UGP2: variants seen among roughly 807,000 people sequenced by gnomAD.
UGP2 encodes UTP--glucose-1-phosphate uridylyltransferase.
Under a neutral mutation model 49.0 loss-of-function variants are expected in UGP2, and 40 were observed. The observed-to-expected ratio is 0.82, with a 90% CI of 0.63 to 1.06. The LOEUF (loss-of-function observed/expected upper bound fraction) is 1.06, where lower values mean the gene tolerates loss of function less well. UGP2 is among the 50% of genes least tolerant of loss of function. The pLI, the probability that UGP2 is intolerant of heterozygous loss-of-function variation, is 0.00. For synonymous variants in UGP2, 225 were observed against 213.0 expected, an observed-to-expected ratio of 1.06 and a Z score of -0.49; for missense variants, 460 against 603.5, an observed-to-expected ratio of 0.76 and a Z score of 2.49.
At chr2:63,861,530 T>A (rs922268147) in intron 3 of UGP2, among the ~76,000 whole-genome samples, 27 of 151,744 alleles carry the variant, frequency 1.8e-4, no homozygotes, top group Non-Finnish European at 3.7e-4. Context: ...ACAAATTTTT[T>A]TTTTTTAGTT....
At chr2:63,855,275 C>T in intron 1 of UGP2, 2 of 331,932 alleles carry the variant, frequency 6.0e-6, no homozygotes, top group South Asian at 2.4e-5. Context: ...TGTGATTCTG[C>T]TAAATTAACA....
intron 1 of UGP2, among the ~76,000 whole-genome samples, chr2:63,848,766 G>A (rs375508828): frequency 3.9e-5 from 6 of 152,290 alleles, no homozygotes; most frequent in African/African-American, 1.4e-4. Context: ...ATTAAACTTT[G>A]TGTGTTTTTT....
At chr2:63,845,765 A>C (rs1034705550) in intron 1 of UGP2, among the ~76,000 whole-genome samples, 10 of 152,246 alleles carry the variant, frequency 6.6e-5, no homozygotes, top group African/African-American at 2.4e-4. Context: ...TGTTGTGTAC[A>C]CCTGTTTTGA....
In UGP2 at chr2:63,887,584, G is replaced by A. The variant is rs767097426; in HGVS notation, c.1254G>A (p.Met418Ile). The A allele has an allele frequency of 6.2e-7, 1 of 1,614,170 alleles. No individual in the cohort carries two copies. Among genetic ancestry groups the A allele is most frequent in the Non-Finnish European group, 8.5e-7 (1 of 1,180,024 alleles). The change falls in exon 8 of 10, where the codon ATG becomes ATA. Residue 418 changes from methionine (M) to isoleucine (I), a missense_variant. Physicochemically the swap from Met to Ile is conservative, Grantham distance 10 (BLOSUM62 1). This residue lies in a region of UGP2 where 317 missense variants were observed against 473.0 expected (regional missense o/e 0.67). Coordinates refer to ENST00000337130, the MANE Select transcript of UGP2 (RefSeq NM_006759.4). ...LYSLNAGSLT[M>I]SEKREFPTVP... ...GTCTTAATGCAGGATCTCTGACAAT[G>A]AGTGAAAAGCGGGAATTTCCTACAG...
Position 63,842,122 on chromosome 2 carries a change from CCCTGTAGCGTGACT to C in UGP2, c.-60_-47del, listed in dbSNP as rs1671587191. 6.4e-7 allele frequency: 1 copy of C among 1,551,514 alleles called. No individual in the cohort carries two copies. Among genetic ancestry groups the C allele is most frequent in the East Asian group, 2.2e-5 (1 of 44,714 alleles). ...AAAGCAGGAGAGGAAGAGAGACCTG[CCCTGTAGCGTGACT>C]CCTCTAGAAAAAAAAAAAAAAAGCC... On this transcript the variant is annotated 5_prime_UTR_variant, in exon 1 of 10. Transcript: ENST00000337130.
At chr2:63,868,943 C>T (rs889900550) in intron 3 of UGP2, among the ~76,000 whole-genome samples, 3 of 150,092 alleles carry the variant, frequency 2.0e-5, no homozygotes, top group East Asian at 1.9e-4. Context: ...CTAGCCTGGG[C>T]GACAAGAGTG....
At chr2:63,862,422 C>T (rs927154777) in intron 3 of UGP2, among the ~76,000 whole-genome samples, 2 of 151,994 alleles carry the variant, frequency 1.3e-5, no homozygotes, top group Admixed American at 6.6e-5. Flanking sequence ...TTTGAATTTC[C>T]CTCGGGATTA....
intron 1 of UGP2, among the ~76,000 whole-genome samples, chr2:63,853,938 T>G (rs1669207077): frequency 6.6e-6 from 1 of 152,222 alleles, no homozygotes; most frequent in Non-Finnish European, 1.5e-5. Flanking sequence ...AGTCCAGTTT[T>G]ATGTGGTGGG....
At chr2:63,852,450 TC>T (rs1056263036) in intron 1 of UGP2, among the ~76,000 whole-genome samples, 2 of 152,260 alleles carry the variant, frequency 1.3e-5, no homozygotes, top group African/African-American at 4.8e-5. Flanking sequence ...CTTTAGGCAG[TC>T]TGCTTTCATA....
intron 3 of UGP2, among the ~76,000 whole-genome samples, chr2:63,876,281 T>A (rs1305557634): frequency 6.6e-6 from 1 of 152,064 alleles, no homozygotes; most frequent in Non-Finnish European, 1.5e-5. Context: ...CCACCAAATT[T>A]AACATGTAAT....
intron 3 of UGP2, among the ~76,000 whole-genome samples, chr2:63,869,869 G>A (rs760691181): frequency 1.3e-5 from 2 of 151,168 alleles, no homozygotes; most frequent in Admixed American, 6.6e-5. Context: ...AATTGCCTTC[G>A]TGTTTTCCTT....
intron 9 of UGP2, 70 bp downstream of exon 9, chr2:63,890,255 T>G: frequency 4.4e-6 from 5 of 1,141,552 alleles, no homozygotes; most frequent in Non-Finnish European, 5.0e-6. Flanking sequence ...AGTCATAAAT[T>G]TACATTTACT....
chr2:63,857,303 A>G (rs900822481), intron 2 of UGP2, among the ~76,000 whole-genome samples: 1 of 150,744 alleles, frequency 6.6e-6, no homozygotes. Context: ...TCTGTCTCAA[A>G]AAAAAAAAAA....
At chr2:63,862,819 C>G in intron 3 of UGP2, 1 of 455,546 alleles carries the variant, frequency 2.2e-6, no homozygotes, top group South Asian at 1.6e-5. Flanking sequence ...GTTAAAGTTT[C>G]TGAAACTTCT....
At chr2:63,859,397 C>T (rs2104287899) in intron 3 of UGP2, among the ~76,000 whole-genome samples, 1 of 152,162 alleles carries the variant, frequency 6.6e-6, no homozygotes, top group East Asian at 1.9e-4. Flanking sequence ...GGAAGGTACG[C>T]AGATTTATTA....
At chr2:63,865,274 C>T (rs1267724503) in intron 3 of UGP2, among the ~76,000 whole-genome samples, 1 of 152,088 alleles carries the variant, frequency 6.6e-6, no homozygotes, top group East Asian at 1.9e-4. Flanking sequence ...TGTAAGAGGC[C>T]GTTTAGTTGG....
At chr2:63,875,532 A>G (rs1003743225) in intron 3 of UGP2, among the ~76,000 whole-genome samples, 1 of 152,236 alleles carries the variant, frequency 6.6e-6, no homozygotes, top group African/African-American at 2.4e-5. Context: ...ATCATGGTAG[A>G]TAGTTTTAAA....
At chr2:63,886,641 G>A (rs1491003374) in intron 7 of UGP2, 103 bp downstream of exon 7, 2 of 1,327,220 alleles carry the variant, frequency 1.5e-6, no homozygotes, top group African/African-American at 1.5e-5. Flanking sequence ...TATTCCATTG[G>A]TCACTCCCTT....
chr2:63,889,837 A>C (rs948126343), intron 8 of UGP2: 1 of 337,102 alleles, frequency 3.0e-6, no homozygotes, highest in African/African-American at 2.1e-5. Context: ...AAGAAAAAAA[A>C]CCCTTAGATC....
Sources: gnomAD v4.1 joint callset for allele counts (sites outside exome capture counted in the v4.1 genomes callset) on GRCh38, gnomAD v4.1.1 for gene constraint, gnomAD v4.1.1 regional missense constraint, MANE v1.5 for transcripts, NCBI Gene and HGNC (gene_info 2026-07-23, HGNC 2026-07-21) for gene names.